Variants in ASAP2 observed in about 807,000 individuals in gnomAD.
ASAP2 encodes the protein ArfGAP with SH3 domain, ankyrin repeat and PH domain 2, also known as arf-GAP with SH3 domain, ANK repeat and PH domain-containing protein 2.
ASAP2 carries 45 observed loss-of-function variants against 131.4 expected under a neutral mutation model. The ratio of observed to expected loss-of-function variants is 0.34; its 90% CI spans 0.27 to 0.44. The LOEUF is 0.44. ASAP2 is among the 20% of genes least tolerant of loss of function. The pLI is 1.00. For missense variants in ASAP2, 1,011 were observed against 1,297.0 expected (o/e 0.78, Z 3.39); for synonymous variants, 510 against 503.0 (o/e 1.01, Z -0.19).
chr2:9,241,344 G>T (rs1663952080), intron 1 of ASAP2, among the ~76,000 whole-genome samples: 1 of 152,172 alleles, frequency 6.6e-6, no homozygotes, highest in Non-Finnish European at 1.5e-5. Context: ...TTGGTGAGAG[G>T]TTTTCTGGGA....
rs1214580420 is a variant in ASAP2, at chr2:9,206,983, C to T, written c.-122C>T. On this transcript the variant is annotated 5_prime_UTR_variant, in exon 1 of 28. Transcript: ENST00000281419. The surrounding 1 kb of genome is among the most constrained non-coding windows in gnomAD (Gnocchi z 4.0). Reference sequence around the variant, plus strand: ...CGCGGCTCCCGCGCCCGGCGCTCCCCTTTGTCCGCGGGCCGGAGCGGCGGC... The same window carrying T: ...CGCGGCTCCCGCGCCCGGCGCTCCCTTTTGTCCGCGGGCCGGAGCGGCGGC... The T allele has an allele frequency of 6.2e-6, 6 of 968,946 alleles. No homozygotes were observed. The East Asian group carries it at 3.7e-4, about 59-fold the overall frequency. 60.0% of individuals were successfully genotyped at this position (968,946 alleles called of 1,614,324 possible). A position where few individuals can be genotyped will look rare whatever the true frequency, so the allele number is the denominator to read the frequency against.
chr2:9,311,705 G>T lies in ASAP2; in HGVS notation c.346-6819G>T, dbSNP rs553586756. 6.6e-6 allele frequency among the ~76,000 whole-genome samples: 1 copy of T among 152,166 alleles called. No individual in the cohort carries two copies. Among genetic ancestry groups the T allele is most frequent in the Admixed American group, 6.5e-5 (1 of 15,274 alleles). ...GCCAGAACTCGAGGATGGCTCGTTC[G>T]GCTGCGGGCCTGAGGCTGCTGGACA... On this transcript the variant is annotated intron_variant, in intron 3 of 27. Transcript: ENST00000281419. The surrounding 1 kb of genome is among the most constrained non-coding windows in gnomAD (Gnocchi z 5.2).
chr2:9,318,529 G>C lies in ASAP2; in HGVS notation c.351G>C (p.Gln117His). ...CTTTTGTTTTTGTTTTTTAGATTCA[G>C]AATATGAACAACATAATCTCCTTCC... ...ELTALFKNLI[Q>H]NMNNIISFPL... is the part of the protein sequence containing the mutation. The change falls in exon 4 of 28, where the codon CAG (glutamine) becomes CAC (histidine). Residue 117 changes from glutamine to histidine, a missense_variant. Transcript: ENST00000281419. The C allele has an allele frequency of 6.2e-7, 1 of 1,612,780 alleles. No homozygotes were observed. Among genetic ancestry groups the C allele is most frequent in the South Asian group, 1.1e-5 (1 of 90,942 alleles).
chr2:9,256,592 C>T (rs1418583173), intron 1 of ASAP2, among the ~76,000 whole-genome samples: 4 of 152,122 alleles, frequency 2.6e-5, no homozygotes, highest in African/African-American at 7.2e-5. Flanking sequence ...AAGAATGTGG[C>T]CATCTGTTTC....
At chr2:9,261,654 G>C (rs1665579495) in intron 1 of ASAP2, among the ~76,000 whole-genome samples, 1 of 152,342 alleles carries the variant, frequency 6.6e-6, no homozygotes, top group East Asian at 1.9e-4. Context: ...GGGAGCTTTG[G>C]AGGTTGCCCA....
intron 1 of ASAP2, among the ~76,000 whole-genome samples, chr2:9,270,942 G>A (rs1227691595): frequency 7.9e-5 from 12 of 151,586 alleles, no homozygotes; most frequent in South Asian, 2.1e-4. Flanking sequence ...ACAGGTGCCC[G>A]CCACTACGCC....
intron 1 of ASAP2, among the ~76,000 whole-genome samples, chr2:9,252,443 A>G (rs1287514549): frequency 6.6e-6 from 1 of 152,116 alleles, no homozygotes; most frequent in Non-Finnish European, 1.5e-5. Flanking sequence ...TTAGCTGGGC[A>G]TGGTGGCACA....
rs1288906105 is a variant in ASAP2, at chr2:9,397,743, TA to T, written c.2685-2279del. ...AATCAAAAGGATATATATATATATATATATATATTTTTTTTTTTTTTTTTTT... is the reference window on the plus strand; with the variant it reads ...AATCAAAAGGATATATATATATATATTATATATTTTTTTTTTTTTTTTTTT... On this transcript the variant is annotated intron_variant, in intron 24 of 27. Transcript: ENST00000281419. 3.4e-3 allele frequency among the ~76,000 whole-genome samples: 313 copies of T among 93,382 alleles called. 1 individual carries two copies. Among genetic ancestry groups the T allele is most frequent in the African/African-American group, 0.013 (154 of 12,308 alleles). 61.3% of individuals were successfully genotyped at this position (93,382 alleles called of 152,430 possible). A position where few individuals can be genotyped will look rare whatever the true frequency, so the allele number is the denominator to read the frequency against.
rs187674611 is a variant in ASAP2, at chr2:9,402,085, C to T, written c.2946+689C>T. Among the ~76,000 whole-genome samples the T allele has an allele frequency of 8.7e-4, 132 of 152,326 alleles. 1 individual carries two copies. Among genetic ancestry groups the T allele is most frequent in the South Asian group, 2.7e-3 (13 of 4,824 alleles). ...CACAGTAGACGCAAGTGGCACAGCTCCGCAACTGAGCTCAGAGCAGACAGT... is the reference window on the plus strand; with the variant it reads ...CACAGTAGACGCAAGTGGCACAGCTTCGCAACTGAGCTCAGAGCAGACAGT... On this transcript the variant is annotated intron_variant, in intron 27 of 27. Transcript: ENST00000281419.
intron 23 of ASAP2, among the ~76,000 whole-genome samples, chr2:9,391,559 GTTTTTCTTTTC>G (rs1366655066): frequency 1.3e-5 from 2 of 148,588 alleles, no homozygotes; most frequent in Admixed American, 6.7e-5. Context: ...CTGGCTTTTT[GTTTTTCTTTTC>G]TTTTTCTTTT....
chr2:9,360,675 TTA>T (rs1446564799), intron 15 of ASAP2, among the ~76,000 whole-genome samples: 2 of 152,220 alleles, frequency 1.3e-5, no homozygotes, highest in Non-Finnish European at 2.9e-5. Context: ...AAGATGTTCA[TTA>T]TATAGTACAT....
chr2:9,351,393 T>C (rs1345735128), intron 12 of ASAP2, among the ~76,000 whole-genome samples: 1 of 152,256 alleles, frequency 6.6e-6, no homozygotes, highest in Admixed American at 6.5e-5. Context: ...TTTTCCTTTT[T>C]GTGGCGTTCA....
At chr2:9,233,632 A>G (rs181969907) in intron 1 of ASAP2, among the ~76,000 whole-genome samples, 3 of 152,362 alleles carry the variant, frequency 2.0e-5, no homozygotes, top group East Asian at 1.9e-4. Flanking sequence ...GGACTCAGAT[A>G]TAGGTTTTGC....
rs558589200 is a variant in ASAP2, at chr2:9,351,355, C to A, written c.1111+460C>A. 4.6e-5 allele frequency among the ~76,000 whole-genome samples: 7 copies of A among 152,320 alleles called. No individual in the cohort carries two copies. The East Asian group carries it at 1.4e-3, about 29-fold the overall frequency. On this transcript the variant is annotated intron_variant, in intron 12 of 27. Transcript: ENST00000281419. Reference sequence around the variant, plus strand: ...TTGAAATTGTTTTTCTTCCTCACCACAGGAATAGTCTTTCTGCTTCTCTGT... The same window carrying A: ...TTGAAATTGTTTTTCTTCCTCACCAAAGGAATAGTCTTTCTGCTTCTCTGT...
chr2:9,324,050 G>A (rs1304328695), intron 6 of ASAP2, among the ~76,000 whole-genome samples: 6 of 152,208 alleles, frequency 3.9e-5, no homozygotes, highest in Admixed American at 2.6e-4. Context: ...CCCTCTCATA[G>A]CAGTGCAAAC....
intron 3 of ASAP2, among the ~76,000 whole-genome samples, chr2:9,302,195 C>T (rs1398191199): frequency 6.1e-5 from 6 of 98,320 alleles, no homozygotes; most frequent in Non-Finnish European, 1.1e-4. Context: ...TTTTTTGAGA[C>T]GGAGTCTCGC....
Position 9,393,134 on chromosome 2 carries a change from G to A in ASAP2, c.2519-348G>A, listed in dbSNP as rs543983852. ...TGTGCAAAGCAGGCCCTGCTTCCCC[G>A]GGCAGAGCTGAGGGCCCCGGCCTCC... On this transcript the variant is annotated intron_variant, in intron 23 of 27. Coordinates refer to ENST00000281419, the MANE Select transcript of ASAP2 (RefSeq NM_003887.3). 3.9e-5 allele frequency among the ~76,000 whole-genome samples: 6 copies of A among 152,206 alleles called. No homozygotes were observed. In the East Asian group the frequency reaches 5.8e-4, roughly 15 times the overall value.
intron 2 of ASAP2, among the ~76,000 whole-genome samples, chr2:9,293,039 A>G (rs902587123): frequency 1.3e-5 from 2 of 152,182 alleles, no homozygotes; most frequent in African/African-American, 2.4e-5. Context: ...TCCTTTTTGT[A>G]TCCAGCAATT....
At chr2:9,374,416 CG>C (rs1326064603) in intron 16 of ASAP2, among the ~76,000 whole-genome samples, 2 of 152,116 alleles carry the variant, frequency 1.3e-5, no homozygotes, top group Non-Finnish European at 2.9e-5. Flanking sequence ...GCAGGGCATG[CG>C]GATTGGAAGG....
Sources: allele counts gnomAD v4.1 joint callset (sites outside exome capture counted in the v4.1 genomes callset), GRCh38; gene constraint gnomAD v4.1.1; non-coding constraint Gnocchi (gnomAD v3.1); transcripts MANE v1.5; gene names NCBI Gene and HGNC (gene_info 2026-07-23, HGNC 2026-07-21).